BBS9: variants seen among roughly 807,000 people sequenced by gnomAD.
BBS9 encodes protein PTHB1.
In BBS9, 89 loss-of-function variants were observed where a neutral mutation model predicts 117.7. The ratio of observed to expected loss-of-function variants is 0.76; its 90% CI spans 0.64 to 0.90. The LOEUF (loss-of-function observed/expected upper bound fraction) is 0.90, where lower values mean the gene tolerates loss of function less well. BBS9 is among the 40% of genes least tolerant of loss of function. The pLI, the probability that BBS9 is intolerant of heterozygous loss-of-function variation, is 0.00. For synonymous variants in BBS9, 379 were observed against 370.9 expected, an observed-to-expected ratio of 1.02 and a Z score of -0.25; for missense variants, 982 against 1,042.2, an observed-to-expected ratio of 0.94 and a Z score of 0.80.
chr7:33,397,912 A>G (rs1828262632), intron 19 of BBS9, among the ~76,000 whole-genome samples: 3 of 152,108 alleles, frequency 2.0e-5, no homozygotes, highest in Admixed American at 2.0e-4. Flanking sequence ...GCAACAAACC[A>G]CTGTGGCACA....
chr7:33,217,942 A>G (rs1416086815), intron 5 of BBS9, among the ~76,000 whole-genome samples: 1 of 152,260 alleles, frequency 6.6e-6, no homozygotes. Context: ...CATTAAAAGC[A>G]AATGGCGAAA....
chr7:33,157,861 A>G (rs1387130337), intron 4 of BBS9: 1 of 152 alleles, frequency 6.6e-3, no homozygotes, highest in African/African-American at 0.025. Flanking sequence ...AATATAGAGA[A>G]AAAAACAGGG....
At chr7:33,146,531 C>T (rs534944325) in intron 2 of BBS9, among the ~76,000 whole-genome samples, 167 bp downstream of exon 2, 3 of 152,122 alleles carry the variant, frequency 2.0e-5, no homozygotes, top group South Asian at 4.2e-4. Context: ...GAAACACTGT[C>T]TCTACTAAAA....
chr7:33,524,366 A>T (rs1201095456), intron 20 of BBS9, among the ~76,000 whole-genome samples: 1 of 152,136 alleles, frequency 6.6e-6, no homozygotes, highest in Admixed American at 6.5e-5. Context: ...TCGGCTGTGA[A>T]TCCATCTGGT....
intron 5 of BBS9, among the ~76,000 whole-genome samples, chr7:33,183,254 A>G (rs1798340292): frequency 6.6e-6 from 1 of 152,098 alleles, no homozygotes; most frequent in African/African-American, 2.4e-5. Context: ...AGGTGTCCCA[A>G]GCTGTTAAAT....
chr7:33,147,737 C>T (rs1188470451), intron 2 of BBS9, among the ~76,000 whole-genome samples: 1 of 152,190 alleles, frequency 6.6e-6, no homozygotes, highest in Non-Finnish European at 1.5e-5. Context: ...ATCTGAATAA[C>T]ATACTGTACA....
intron 19 of BBS9, among the ~76,000 whole-genome samples, chr7:33,491,108 A>G (rs1843833264): frequency 1.3e-5 from 2 of 152,330 alleles, no homozygotes; most frequent in East Asian, 1.9e-4. Context: ...CATTGTGTAT[A>G]TTGGAGAGAA....
intron 5 of BBS9, among the ~76,000 whole-genome samples, chr7:33,223,506 A>C (rs1790663299): frequency 6.6e-6 from 1 of 152,002 alleles, no homozygotes; most frequent in South Asian, 2.1e-4. Context: ...CATTTAGCCA[A>C]CTCCTGCTCA....
intron 17 of BBS9, among the ~76,000 whole-genome samples, chr7:33,374,617 A>G (rs1823472621): frequency 6.6e-6 from 1 of 152,098 alleles, no homozygotes. Flanking sequence ...AAACCTACCA[A>G]AAGGCCGGGC....
At chr7:33,382,842 G>A (rs1210252267) in intron 17 of BBS9, among the ~76,000 whole-genome samples, 2 of 152,176 alleles carry the variant, frequency 1.3e-5, no homozygotes, top group African/African-American at 4.8e-5. Context: ...TTAGGCAGAA[G>A]GATATGAACT....
chr7:33,348,264 G>A (rs1465983410), intron 12 of BBS9, among the ~76,000 whole-genome samples: 2 of 152,048 alleles, frequency 1.3e-5, no homozygotes, highest in Admixed American at 1.3e-4. Flanking sequence ...TTTGTGGCTA[G>A]ATTTTTTCAC....
intron 9 of BBS9, among the ~76,000 whole-genome samples, chr7:33,311,701 C>G (rs1267017038): frequency 6.6e-6 from 1 of 152,030 alleles, no homozygotes; most frequent in Admixed American, 6.6e-5. Flanking sequence ...CCTGTAATCC[C>G]AGCTACTTGG....
intron 21 of BBS9, among the ~76,000 whole-genome samples, chr7:33,620,762 A>G (rs778986428): frequency 4.1e-4 from 62 of 151,512 alleles, no homozygotes; most frequent in Non-Finnish European, 7.5e-4. Context: ...TGCAACCACA[A>G]AAGACTCTAA....
In BBS9 at chr7:33,357,853, A is replaced by G; in HGVS notation, c.1553-2A>G. The G allele has an allele frequency of 6.2e-7, 1 of 1,610,902 alleles. No individual in the cohort carries two copies. Among genetic ancestry groups the G allele is most frequent in the East Asian group, 2.2e-5 (1 of 44,806 alleles). ...AATCTACATATCTCTCTTTTATTTT[A>G]GGCATTCCGCGAGTTATCCAATGTA... On this transcript the variant is annotated splice_acceptor_variant, in intron 15 of 22. Transcript: ENST00000242067. LOFTEE classifies it high-confidence loss of function.
At chr7:33,180,361 A>ATT (rs34742892) in intron 5 of BBS9, among the ~76,000 whole-genome samples, 2 of 136,964 alleles carry the variant, frequency 1.5e-5, no homozygotes, top group African/African-American at 2.8e-5. Flanking sequence ...CTTGCTGAGA[A>ATT]TTTTTTTTTT....
chr7:33,182,901 A>C (rs1051749788), intron 5 of BBS9, among the ~76,000 whole-genome samples: 19 of 152,104 alleles, frequency 1.2e-4, no homozygotes, highest in Non-Finnish European at 2.4e-4. Flanking sequence ...CTGGATCCCA[A>C]AAAAGGGATG....
At chr7:33,166,545 A>G (rs1584256528) in intron 4 of BBS9, among the ~76,000 whole-genome samples, 1 of 152,198 alleles carries the variant, frequency 6.6e-6, no homozygotes, top group Admixed American at 6.5e-5. Flanking sequence ...CGCTTTGTTT[A>G]CCTACTCAAG....
chr7:33,374,040 C>T (rs891228318), intron 17 of BBS9, among the ~76,000 whole-genome samples: 1 of 152,140 alleles, frequency 6.6e-6, no homozygotes, highest in Non-Finnish European at 1.5e-5. Context: ...ACTGTTGTGG[C>T]TCTTGTGGAG....
At chr7:33,352,479 TAAAAG>T (rs1245983073) in intron 14 of BBS9, among the ~76,000 whole-genome samples, 6 of 152,150 alleles carry the variant, frequency 3.9e-5, no homozygotes, top group Non-Finnish European at 5.9e-5. Context: ...AGGGGAAAGT[TAAAAG>T]AAAATAAATT....
Sources: gnomAD v4.1 joint callset for allele counts (sites outside exome capture counted in the v4.1 genomes callset) on GRCh38, gnomAD v4.1.1 for gene constraint, MANE v1.5 for transcripts, NCBI Gene and HGNC (gene_info 2026-07-23, HGNC 2026-07-21) for gene names.